METTL8: variants seen among roughly 807,000 people sequenced by gnomAD.
The protein encoded by METTL8 is methyltransferase 8, tRNA N3-cytidine.
A neutral mutation model predicts 48.7 loss-of-function variants in METTL8; 32 were observed. That is an observed-to-expected ratio of 0.66 (90% confidence interval 0.50 to 0.88). The LOEUF (loss-of-function observed/expected upper bound fraction) is 0.88. Ranked by LOEUF, METTL8 falls within the 40% of genes least tolerant of loss-of-function variation. The pLI is 0.00. For missense variants in METTL8, 464 were observed against 474.4 expected (o/e 0.98, Z 0.20); for synonymous variants, 136 against 157.1 (o/e 0.87, Z 1.01).
chr2:171,339,224 C>T lies in METTL8; in HGVS notation c.566G>A (p.Gly189Glu). The change falls in exon 4 of 10, where the codon GGA (glycine) becomes GAA (glutamate). Residue 189 changes from glycine to glutamate, a missense_variant. By Grantham distance (98) the Gly-to-Glu change is moderately conservative (BLOSUM62 -2). Transcript: ENST00000375258. ...AGTGGCATTGCTACCAGGAAACAAT[C>T]CAGTCTCCATAGGTCCTTTTTTGTG... is the stretch of plus-strand genomic sequence containing the variant. ...EKHKKGPMET[G>E]LFPGSNATFR... The T allele has an allele frequency of 6.4e-7, 1 of 1,573,138 alleles. No homozygotes were observed. The highest frequency in any genetic ancestry group is 8.6e-7 in the Non-Finnish European group (1 of 1,158,922).
intron 3 of METTL8, among the ~76,000 whole-genome samples, chr2:171,341,559 T>G (rs1342198024): frequency 2.0e-5 from 3 of 151,644 alleles, no homozygotes; most frequent in East Asian, 3.9e-4. Context: ...TTTTCCCTTT[T>G]TTTTTTTCCG....
At chr2:171,387,127 A>AGCC (rs55952977) in intron 2 of METTL8, among the ~76,000 whole-genome samples, 1 of 152,180 alleles carries the variant, frequency 6.6e-6, no homozygotes, top group Non-Finnish European at 1.5e-5. Flanking sequence ...GGATACAGAA[A>AGCC]TCTGTCTTTA....
At chr2:171,391,156 A>G (rs1329749956) in intron 2 of METTL8, among the ~76,000 whole-genome samples, 2 of 152,234 alleles carry the variant, frequency 1.3e-5, no homozygotes, top group Non-Finnish European at 2.9e-5. Flanking sequence ...CTCTGCCAAC[A>G]AAAAGATTAT....
intron 1 of METTL8, among the ~76,000 whole-genome samples, chr2:171,420,412 T>C (rs557282633): frequency 2.4e-4 from 36 of 152,090 alleles, no homozygotes; most frequent in Non-Finnish European, 4.4e-4. Flanking sequence ...TAAGTGATTA[T>C]TGAAAGCATA....
chr2:171,412,240 A>T (rs1325741344), intron 1 of METTL8, among the ~76,000 whole-genome samples: 3 of 152,166 alleles, frequency 2.0e-5, no homozygotes, highest in African/African-American at 7.2e-5. Flanking sequence ...CATCACCTTC[A>T]TCCTAAGGCT....
chr2:171,422,335 A>G (rs1199427329), intron 1 of METTL8, among the ~76,000 whole-genome samples: 1 of 152,226 alleles, frequency 6.6e-6, no homozygotes, highest in Non-Finnish European at 1.5e-5. Flanking sequence ...ATACTCTCAA[A>G]TCAATTTCAT....
At chr2:171,406,731 T>C (rs1690218959) in intron 1 of METTL8, among the ~76,000 whole-genome samples, 1 of 152,178 alleles carries the variant, frequency 6.6e-6, no homozygotes, top group Non-Finnish European at 1.5e-5. Flanking sequence ...AAAAGCCACC[T>C]TGGAGCCATG....
chr2:171,360,398 G>A, intron 3 of METTL8, 24 bp downstream of exon 3: 1 of 1,602,228 alleles, frequency 6.2e-7, no homozygotes, highest in Non-Finnish European at 8.5e-7. Flanking sequence ...CTGGCTCTAG[G>A]AGCTACAGCA....
rs1487752258 is a variant in METTL8, at chr2:171,322,234, A to G, written c.*1938T>C. The G allele has an allele frequency of 6.6e-6, 1 of 151,458 alleles. No individual in the cohort carries two copies. Among genetic ancestry groups the G allele is most frequent in the Non-Finnish European group, 1.5e-5 (1 of 67,924 alleles). The allele number at this position is 151,458 out of a possible 1,614,324, so 9.4% of individuals were successfully genotyped here. A position where few individuals can be genotyped will look rare whatever the true frequency, so the allele number is the denominator to read the frequency against. Reference sequence around the variant, plus strand: ...CTCCTCGGCCTCCCAAAGTGCTGGGATTACGGGCTTGAGCGACTGCGCCCG... The same window carrying G: ...CTCCTCGGCCTCCCAAAGTGCTGGGGTTACGGGCTTGAGCGACTGCGCCCG... On this transcript the variant is annotated 3_prime_UTR_variant, in exon 10 of 10. Transcript: ENST00000375258.
chr2:171,363,796 A>ATATATATATATATATATG lies in METTL8; in HGVS notation c.144-3284_144-3283insCATATATATATATATATA, dbSNP rs1553516538. The stretch of plus-strand genomic sequence containing the variant: ...AAAAAAGTACATCCCCAAATTTTAT[A>ATATATATATATATATATG]TATATATATATATATATATCTTTTT... On this transcript the variant is annotated intron_variant, in intron 2 of 9. Transcript: ENST00000375258. Among the ~76,000 whole-genome samples the ATATATATATATATATATG allele has an allele frequency of 7.7e-5, 9 of 117,404 alleles. 1 individual carries two copies. Among genetic ancestry groups the ATATATATATATATATATG allele is most frequent in the Non-Finnish European group, 1.1e-4 (6 of 54,240 alleles). 77.0% of individuals were successfully genotyped at this position (117,404 alleles called of 152,430 possible).
chr2:171,426,671 G>C (rs577436772), intron 1 of METTL8, among the ~76,000 whole-genome samples: 1 of 152,154 alleles, frequency 6.6e-6, no homozygotes, highest in African/African-American at 2.4e-5. Context: ...TTAATATACT[G>C]TGTGTTCAGA....
In METTL8 at chr2:171,392,068, C is replaced by G. The variant is rs1688627091; in HGVS notation, c.118G>C (p.Ala40Pro). The G allele has an allele frequency of 5.2e-6, 8 of 1,551,390 alleles. No homozygotes were observed. The Admixed American group carries it at 1.2e-4, about 23-fold the overall frequency. Residue 40 changes from alanine (A) to proline (P), a missense_variant, in exon 2 of 10, where the codon GCC becomes CCC. Ala to Pro is a conservative substitution (Grantham distance 27). Transcript: ENST00000375258. ...CACATGTTGTGTTCAAAAACTTTGG[C>G]TGGGTCAGTTAAAATCCTTGATCCC... is the stretch of plus-strand genomic sequence containing the variant. ...PLGSRILTDP[A>P]KVFEHNMWDH...
intron 3 of METTL8, among the ~76,000 whole-genome samples, chr2:171,340,953 A>T (rs1438828215): frequency 6.6e-6 from 1 of 152,240 alleles, no homozygotes; most frequent in Non-Finnish European, 1.5e-5. Flanking sequence ...TTATGATGTC[A>T]TCCTGTGGTC....
chr2:171,375,189 C>T, intron 2 of METTL8: 1 of 1,424,398 alleles, frequency 7.0e-7, no homozygotes. Flanking sequence ...TGTCCTTGGG[C>T]ACGCATCGGG....
At chr2:171,417,684 C>T (rs1691452410) in intron 1 of METTL8, among the ~76,000 whole-genome samples, 1 of 152,152 alleles carries the variant, frequency 6.6e-6, no homozygotes, top group Non-Finnish European at 1.5e-5. Flanking sequence ...GTGGTGTCTA[C>T]CATATTCCTG....
chr2:171,375,290 G>T, intron 2 of METTL8: 1 of 827,126 alleles, frequency 1.2e-6, no homozygotes, highest in Non-Finnish European at 2.1e-6. Flanking sequence ...TTGGAGGCAC[G>T]GACCAGAGAT....
chr2:171,404,820 A>G (rs1690018629), intron 1 of METTL8, among the ~76,000 whole-genome samples: 1 of 152,182 alleles, frequency 6.6e-6, no homozygotes. Flanking sequence ...ATTGAGAACC[A>G]CTCAGATACA....
rs537023506 is a variant in METTL8, at chr2:171,320,814, C to A, written c.*3358G>T. 6.6e-6 allele frequency: 1 copy of A among 152,304 alleles called. No individual in the cohort carries two copies. Among genetic ancestry groups the A allele is most frequent in the South Asian group, 2.1e-4 (1 of 4,826 alleles). 9.4% of individuals were successfully genotyped at this position (152,304 alleles called of 1,614,324 possible). A position where few individuals can be genotyped will look rare whatever the true frequency, so the allele number is the denominator to read the frequency against. On this transcript the variant is annotated 3_prime_UTR_variant, in exon 10 of 10. Transcript: ENST00000375258. ...GTGCAAAAACCTTTATGTGGTCTTC[C>A]TTGCCACTGATCTCTGACCTCACTC...
rs558954881 is a variant in METTL8 at position 171,412,810 on chromosome 2, G to C, written c.-12-20613C>G. Among the ~76,000 whole-genome samples, 24 of 151,978 alleles carry C rather than the reference G, an allele frequency of 1.6e-4. No individual in the cohort carries two copies. In the South Asian group the frequency reaches 5.0e-3, roughly 32 times the overall value. On this transcript the variant is annotated intron_variant, in intron 1 of 9. Transcript: ENST00000375258. ...TTCACAGAGCATCATTTTAACTTTG[G>C]TATTTTCTCAAAAATAAATGAAGTA...
Sources: gnomAD v4.1 joint callset for allele counts (sites outside exome capture counted in the v4.1 genomes callset) on GRCh38, gnomAD v4.1.1 for gene constraint, MANE v1.5 for transcripts, NCBI Gene and HGNC (gene_info 2026-07-23, HGNC 2026-07-21) for gene names.